The following VWC2L variants were observed in gnomAD, a reference collection of about 807,000 sequenced individuals.
VWC2L encodes von Willebrand factor C domain-containing protein 2-like.
Under a neutral mutation model 21.6 loss-of-function variants are expected in VWC2L, and 10 were observed. The observed-to-expected ratio is 0.46, with a 90% CI of 0.29 to 0.78. The LOEUF is 0.78. Among genes scored for constraint, VWC2L ranks in the 30% least tolerant of loss-of-function variants. The probability of loss-of-function intolerance (pLI) is 0.10; values close to 1 mark genes in which losing one functional copy is unlikely to be tolerated. For synonymous variants in VWC2L, 96 were observed against 94.3 expected, an observed-to-expected ratio of 1.02 and a Z score of -0.10; for missense variants, 209 against 277.1, an observed-to-expected ratio of 0.75 and a Z score of 1.74.
At chr2:214,473,131 C>A (rs991850746) in intron 3 of VWC2L, among the ~76,000 whole-genome samples, 2 of 152,118 alleles carry the variant, frequency 1.3e-5, no homozygotes, top group African/African-American at 4.8e-5. Flanking sequence ...CTGGAATAGT[C>A]CTAAGATTAT....
intron 3 of VWC2L, among the ~76,000 whole-genome samples, chr2:214,511,763 T>A (rs1293717244): frequency 6.6e-6 from 1 of 151,434 alleles, no homozygotes; most frequent in Non-Finnish European, 1.5e-5. Context: ...CATGAAACCC[T>A]TCATTATTTA....
chr2:214,554,980 T>A (rs991470768), intron 3 of VWC2L, among the ~76,000 whole-genome samples: 1 of 152,200 alleles, frequency 6.6e-6, no homozygotes, highest in African/African-American at 2.4e-5. Context: ...AAGGTTTAAC[T>A]AAGTTTGACA....
chr2:214,560,790 A>C (rs1042977450), intron 3 of VWC2L, among the ~76,000 whole-genome samples: 4 of 152,168 alleles, frequency 2.6e-5, no homozygotes, highest in African/African-American at 9.7e-5. Flanking sequence ...CTTCATTCTC[A>C]AGCTGTCATG....
chr2:214,430,257 G>T (rs1702580170), intron 2 of VWC2L, among the ~76,000 whole-genome samples: 1 of 151,930 alleles, frequency 6.6e-6, no homozygotes, highest in African/African-American at 2.4e-5. Flanking sequence ...TACTTCATCA[G>T]TTGTTTTCCA....
intron 3 of VWC2L, among the ~76,000 whole-genome samples, chr2:214,563,675 T>G (rs1442906969): frequency 6.6e-6 from 1 of 151,486 alleles, no homozygotes; most frequent in Non-Finnish European, 1.5e-5. Flanking sequence ...AACCAGGTAT[T>G]GAAGGAACAT....
intron 3 of VWC2L, among the ~76,000 whole-genome samples, chr2:214,488,361 G>C (rs767236108): frequency 1.3e-5 from 2 of 152,178 alleles, no homozygotes; most frequent in Non-Finnish European, 2.9e-5. Flanking sequence ...ACTTTGGGAG[G>C]CCAAGGCAGG....
intron 3 of VWC2L, among the ~76,000 whole-genome samples, chr2:214,549,159 A>T (rs1233905731): frequency 6.6e-6 from 1 of 152,116 alleles, no homozygotes; most frequent in Non-Finnish European, 1.5e-5. Context: ...CGCTCCTCTT[A>T]TTAGACCCTT....
chr2:214,476,402 T>C (rs940194693), intron 3 of VWC2L, among the ~76,000 whole-genome samples: 1 of 152,174 alleles, frequency 6.6e-6, no homozygotes, highest in Non-Finnish European at 1.5e-5. Context: ...AGTAATAGTA[T>C]AGTAATTGCA....
At chr2:214,437,004 C>T (rs945268867) in intron 3 of VWC2L, among the ~76,000 whole-genome samples, 5 of 152,032 alleles carry the variant, frequency 3.3e-5, no homozygotes, top group Admixed American at 6.6e-5. Flanking sequence ...CCTATTATTT[C>T]GTGTTGATTT....
intron 3 of VWC2L, among the ~76,000 whole-genome samples, chr2:214,550,930 C>A (rs1456524324): frequency 6.6e-6 from 1 of 152,178 alleles, no homozygotes; most frequent in African/African-American, 2.4e-5. Flanking sequence ...TTGTAATCTT[C>A]ACCAGCCCTC....
chr2:214,463,882 A>G (rs1368579676), intron 3 of VWC2L, among the ~76,000 whole-genome samples: 1 of 151,948 alleles, frequency 6.6e-6, no homozygotes, highest in Non-Finnish European at 1.5e-5. Context: ...ATTTTCAAAT[A>G]TCTTGTCTCA....
At chr2:214,474,778 G>C (rs774791479) in intron 3 of VWC2L, among the ~76,000 whole-genome samples, 47 of 152,098 alleles carry the variant, frequency 3.1e-4, no homozygotes, top group Admixed American at 2.0e-3. Context: ...GATTAAATGA[G>C]ATAGCATATG....
chr2:214,559,982 A>C (rs1300103384), intron 3 of VWC2L, among the ~76,000 whole-genome samples: 5 of 152,228 alleles, frequency 3.3e-5, no homozygotes, highest in African/African-American at 1.2e-4. Flanking sequence ...CCAGTGCCTG[A>C]AACAATGGCT....
At position 214,514,167 on chromosome 2, in the gene VWC2L, T is replaced by TA. The variant is rs60203795; in HGVS notation, c.521-61505_521-61504insA. 5.9e-3 allele frequency among the ~76,000 whole-genome samples: 891 copies of TA among 152,142 alleles called. 21 individuals are homozygous for TA. Among genetic ancestry groups the TA allele is most frequent in the African/African-American group, 0.021 (861 of 41,436 alleles). Reference sequence around the variant, plus strand: ...AGGTTCATATCAAAGGTTTTTTTTTTTTCTGTAATCATTTACTTAACGTTT... The same window carrying TA: ...AGGTTCATATCAAAGGTTTTTTTTTTATTCTGTAATCATTTACTTAACGTTT... On this transcript the variant is annotated intron_variant, in intron 3 of 3. Transcript: ENST00000312504.
At chr2:214,491,926 C>T (rs138399919) in intron 3 of VWC2L, among the ~76,000 whole-genome samples, 12 of 152,286 alleles carry the variant, frequency 7.9e-5, no homozygotes, top group African/African-American at 2.9e-4. Flanking sequence ...TTTCTGGTTG[C>T]CTCTCAGTTA....
chr2:214,426,267 GA>G (rs2126174243), intron 2 of VWC2L, among the ~76,000 whole-genome samples: 1 of 150,246 alleles, frequency 6.7e-6, no homozygotes, highest in Non-Finnish European at 1.5e-5. Flanking sequence ...AAGCAGTTTA[GA>G]CAAAATTGGA....
At chr2:214,456,270 T>G (rs1408847851) in intron 3 of VWC2L, among the ~76,000 whole-genome samples, 2 of 152,198 alleles carry the variant, frequency 1.3e-5, no homozygotes, top group African/African-American at 4.8e-5. Flanking sequence ...GGGTTTTGAC[T>G]TGAATTTTCC....
At chr2:214,524,763 G>T (rs1021061350) in intron 3 of VWC2L, among the ~76,000 whole-genome samples, 11 of 152,052 alleles carry the variant, frequency 7.2e-5, no homozygotes, top group Admixed American at 2.6e-4. Context: ...CTCTTCAAAT[G>T]AAAGACTGAA....
chr2:214,540,441 G>T (rs1248066133), intron 3 of VWC2L, among the ~76,000 whole-genome samples: 1 of 152,116 alleles, frequency 6.6e-6, no homozygotes, highest in East Asian at 1.9e-4. Flanking sequence ...GCCCTTCTGT[G>T]AGCCACTGTG....
Sources: allele counts gnomAD v4.1 joint callset (sites outside exome capture counted in the v4.1 genomes callset), GRCh38; gene constraint gnomAD v4.1.1; transcripts MANE v1.5; gene names NCBI Gene and HGNC (gene_info 2026-07-23, HGNC 2026-07-21).